KANK4: variants seen among roughly 807,000 people sequenced by gnomAD.
KANK4 encodes the protein KN motif and ankyrin repeat domains 4, also known as KN motif and ankyrin repeat domain-containing protein 4.
In KANK4, 50 loss-of-function variants were observed where a neutral mutation model predicts 80.8. That is an observed-to-expected ratio of 0.62 (90% CI 0.49 to 0.78). The LOEUF is 0.78. Ranked by LOEUF, KANK4 falls within the 30% of genes least tolerant of loss-of-function variation. The probability of loss-of-function intolerance (pLI) is 0.00; values close to 1 mark genes in which losing one functional copy is unlikely to be tolerated. For missense variants in KANK4, 1,196 were observed against 1,240.1 expected (o/e 0.96, Z 0.53); for synonymous variants, 465 against 506.9 (o/e 0.92, Z 1.11).
intron 7 of KANK4, among the ~76,000 whole-genome samples, chr1:62,253,922 G>A (rs1301211327): frequency 1.3e-5 from 2 of 152,214 alleles, no homozygotes; most frequent in Non-Finnish European, 2.9e-5. Context: ...GGAACACTCA[G>A]GTCTGTCCGG....
chr1:62,305,508 G>A (rs749268432), intron 1 of KANK4, among the ~76,000 whole-genome samples: 20 of 152,116 alleles, frequency 1.3e-4, no homozygotes, highest in Middle Eastern at 3.4e-3. Flanking sequence ...ATGGGGTTTT[G>A]CCATGTTGGC....
chr1:62,291,211 T>C lies in KANK4; in HGVS notation c.-70-9577A>G, dbSNP rs939210795. Reference sequence around the variant, plus strand: ...GTGTTGACTATCTTTTTCATGTGCTTATTGGCTTTTGTATATCATCTTTGG... The same window carrying C: ...GTGTTGACTATCTTTTTCATGTGCTCATTGGCTTTTGTATATCATCTTTGG... On this transcript the variant is annotated intron_variant, in intron 1 of 9. Coordinates refer to ENST00000371153, the MANE Select transcript of KANK4 (RefSeq NM_181712.5). Among the ~76,000 whole-genome samples, 109 of 152,238 alleles carry C rather than the reference T, an allele frequency of 7.2e-4. 4 individuals carry two copies. Among genetic ancestry groups the C allele is most frequent in the Non-Finnish European group, 3.4e-4 (23 of 68,046 alleles).
chr1:62,249,979 A>G (rs1429115195), intron 8 of KANK4, among the ~76,000 whole-genome samples: 5 of 149,516 alleles, frequency 3.3e-5, no homozygotes, highest in East Asian at 2.0e-4. Context: ...GACTGTGTGT[A>G]TATTTCTTTT....
At chr1:62,317,488 C>T (rs1644551319) in intron 1 of KANK4, among the ~76,000 whole-genome samples, 1 of 152,186 alleles carries the variant, frequency 6.6e-6, no homozygotes, top group South Asian at 2.1e-4. Context: ...CTCATTATTA[C>T]AGTTCAGAAA....
At chr1:62,269,438 C>T (rs1672107001) in intron 4 of KANK4, among the ~76,000 whole-genome samples, 1 of 152,212 alleles carries the variant, frequency 6.6e-6, no homozygotes, top group African/African-American at 2.4e-5. Context: ...GATTTGTAAA[C>T]TGAGTCTGCT....
chr1:62,266,042 C>G (rs952160702), intron 6 of KANK4, among the ~76,000 whole-genome samples: 1 of 152,198 alleles, frequency 6.6e-6, no homozygotes, highest in Non-Finnish European at 1.5e-5. Context: ...ACCTTCAGTT[C>G]CCATTCTACA....
chr1:62,238,133 C>G lies in KANK4; in HGVS notation c.*144G>C, dbSNP rs1487753188. On this transcript the variant is annotated 3_prime_UTR_variant, in exon 10 of 10. Transcript: ENST00000371153. Reference sequence around the variant, plus strand: ...AAGCATCCTAATGAGCAGAATTATACAACAGGAATGTATGTGCATATTTGA... The same window carrying G: ...AAGCATCCTAATGAGCAGAATTATAGAACAGGAATGTATGTGCATATTTGA... 1 of 597,388 alleles carries G rather than the reference C, an allele frequency of 1.7e-6. No individual in the cohort carries two copies. The highest frequency in any genetic ancestry group is 2.8e-5 in the East Asian group (1 of 36,044). The allele number at this position is 597,388 out of a possible 1,614,324, so 37.0% of individuals were successfully genotyped here. A position where few individuals can be genotyped will look rare whatever the true frequency, so the allele number is the denominator to read the frequency against.
At chr1:62,315,130 C>T (rs1408827469) in intron 1 of KANK4, among the ~76,000 whole-genome samples, 2 of 152,200 alleles carry the variant, frequency 1.3e-5, no homozygotes, top group African/African-American at 2.4e-5. Context: ...TTAGTCCAAA[C>T]TTGGTCTGGG....
At position 62,284,333 on chromosome 1, in the gene KANK4, G is replaced by T. The variant is rs769843020; in HGVS notation, c.-70-2699C>A. ...CAGTTCCCCTTTAAAATGGAATTTT[G>T]CAACTCTCTGGAGCATTTAAAGCTT... is the stretch of plus-strand genomic sequence containing the variant. On this transcript the variant is annotated intron_variant, in intron 1 of 9. Transcript: ENST00000371153. Among the ~76,000 whole-genome samples the T allele has an allele frequency of 2.0e-5, 3 of 152,146 alleles. No homozygotes were observed. The East Asian group carries it at 5.8e-4, about 29-fold the overall frequency.
chr1:62,291,662 C>T (rs1672680831), intron 1 of KANK4, among the ~76,000 whole-genome samples: 1 of 152,106 alleles, frequency 6.6e-6, no homozygotes, highest in African/African-American at 2.4e-5. Context: ...GGCTGGAGTG[C>T]AATGACGTGA....
chr1:62,311,080 G>A (rs1440479004), intron 1 of KANK4, among the ~76,000 whole-genome samples: 1 of 152,056 alleles, frequency 6.6e-6, no homozygotes, highest in Non-Finnish European at 1.5e-5. Context: ...GAGATGGATT[G>A]GGGAAGATGA....
intron 1 of KANK4, among the ~76,000 whole-genome samples, chr1:62,312,099 C>T (rs1397634887): frequency 6.6e-6 from 1 of 151,984 alleles, no homozygotes; most frequent in Non-Finnish European, 1.5e-5. Context: ...AGCTTGACTA[C>T]AAAGAAAACC....
At chr1:62,318,613 G>A (rs997187509) in intron 1 of KANK4, among the ~76,000 whole-genome samples, 3 of 152,198 alleles carry the variant, frequency 2.0e-5, no homozygotes, top group African/African-American at 7.2e-5. Context: ...AGACTTTTGC[G>A]ACAGGAGAGA....
intron 1 of KANK4, among the ~76,000 whole-genome samples, chr1:62,295,308 ATT>A: frequency 6.6e-6 from 1 of 152,148 alleles, no homozygotes; most frequent in East Asian, 1.9e-4. Context: ...AGCCCGGCTA[ATT>A]TTTTTGTATT....
intron 8 of KANK4, among the ~76,000 whole-genome samples, chr1:62,250,791 A>G (rs1302787196): frequency 1.3e-5 from 2 of 152,262 alleles, no homozygotes; most frequent in African/African-American, 4.8e-5. Context: ...CAGGAGTTGT[A>G]GGTGACTAGA....
Position 62,236,593 on chromosome 1 carries a change from ATTT to A in KANK4, c.*1681_*1683del, listed in dbSNP as rs11449212. Among the ~76,000 whole-genome samples the A allele has an allele frequency of 1.9e-3, 238 of 124,372 alleles. No homozygotes were observed. The highest frequency in any genetic ancestry group is 3.4e-3 in the East Asian group (14 of 4,160). 81.6% of individuals were successfully genotyped at this position (124,372 alleles called of 152,430 possible). A position where few individuals can be genotyped will look rare whatever the true frequency, so the allele number is the denominator to read the frequency against. ...ATGGCCTTAATGGGTTACAAATTGG[ATTT>A]TTTTTTTTTTTTTTTTTGAGACAGA... On this transcript the variant is annotated 3_prime_UTR_variant, in exon 10 of 10. Transcript: ENST00000371153.
intron 1 of KANK4, among the ~76,000 whole-genome samples, chr1:62,307,942 G>C (rs1644466317): frequency 6.6e-6 from 1 of 152,078 alleles, no homozygotes; most frequent in African/African-American, 2.4e-5. Context: ...TACCTCTCTA[G>C]CCTCATCTCC....
At chr1:62,297,500 C>A (rs1644376323) in intron 1 of KANK4, among the ~76,000 whole-genome samples, 2 of 152,116 alleles carry the variant, frequency 1.3e-5, no homozygotes, top group South Asian at 4.2e-4. Flanking sequence ...GTGTTCTTTG[C>A]CTTTTGGGTC....
At chr1:62,286,609 T>C (rs1262495906) in intron 1 of KANK4, among the ~76,000 whole-genome samples, 2 of 152,234 alleles carry the variant, frequency 1.3e-5, no homozygotes, top group Non-Finnish European at 2.9e-5. Context: ...TGAGCAGCTA[T>C]AATTAATTAT....
Sources: allele counts gnomAD v4.1 joint callset (sites outside exome capture counted in the v4.1 genomes callset), GRCh38; gene constraint gnomAD v4.1.1; transcripts MANE v1.5; gene names NCBI Gene and HGNC (gene_info 2026-07-23, HGNC 2026-07-21).